Variants in DOCK1 observed in about 807,000 individuals in gnomAD.
The protein encoded by DOCK1 is dedicator of cytokinesis protein 1.
A neutral mutation model predicts 262.7 loss-of-function variants in DOCK1; 138 were observed. The ratio of observed to expected loss-of-function variants is 0.53; its 90% CI spans 0.46 to 0.61. The LOEUF (loss-of-function observed/expected upper bound fraction) is 0.61. Among genes scored for constraint, DOCK1 ranks in the 20% least tolerant of loss-of-function variants. The pLI is 0.00. For missense variants in DOCK1, 1,908 were observed against 2,370.7 expected, an observed-to-expected ratio of 0.80 and a Z score of 4.05; for synonymous variants, 866 against 867.4, an observed-to-expected ratio of 1.00 and a Z score of 0.03.
intron 21 of DOCK1, among the ~76,000 whole-genome samples, chr10:127,050,323 G>T (rs1023102345): frequency 1.3e-5 from 2 of 150,844 alleles, no homozygotes; most frequent in Non-Finnish European, 2.9e-5. Context: ...AATTATAATA[G>T]ATATTTCTTA....
chr10:127,398,061 G>T (rs1208523141), intron 38 of DOCK1, among the ~76,000 whole-genome samples: 2 of 152,194 alleles, frequency 1.3e-5, no homozygotes, highest in Non-Finnish European at 2.9e-5. Flanking sequence ...CATTGAAGTG[G>T]CTGATCCATC....
chr10:127,271,121 C>T (rs186788331), intron 29 of DOCK1, among the ~76,000 whole-genome samples: 5 of 151,564 alleles, frequency 3.3e-5, no homozygotes, highest in Admixed American at 2.0e-4. Context: ...TCAGTGACTG[C>T]AGGATTTTTT....
intron 29 of DOCK1, among the ~76,000 whole-genome samples, chr10:127,263,192 G>A (rs896928114): frequency 7.9e-5 from 12 of 152,190 alleles, no homozygotes; most frequent in Non-Finnish European, 1.5e-5. Flanking sequence ...CTTTAGAAGT[G>A]TATGCACCAT....
chr10:127,238,686 C>T (rs953248850), intron 27 of DOCK1, among the ~76,000 whole-genome samples: 2 of 152,146 alleles, frequency 1.3e-5, no homozygotes, highest in African/African-American at 4.8e-5. Context: ...AGGGGAGCCT[C>T]CCCACACCAC....
chr10:127,101,484 T>C (rs943382248), intron 23 of DOCK1, among the ~76,000 whole-genome samples: 14 of 152,188 alleles, frequency 9.2e-5, no homozygotes, highest in African/African-American at 3.4e-4. Context: ...AAAATCATCT[T>C]GGTCGGTTAA....
At chr10:127,021,438 T>C (rs1365617618) in intron 13 of DOCK1, among the ~76,000 whole-genome samples, 3 of 152,208 alleles carry the variant, frequency 2.0e-5, no homozygotes, top group African/African-American at 7.2e-5. Flanking sequence ...GCGCTGGGAT[T>C]ACAGGCGTGA....
Position 127,404,403 on chromosome 10 carries a change from G to T in DOCK1, c.4096G>T (p.Gly1366Ter). 1 of 1,613,722 alleles carries T rather than the reference G, an allele frequency of 6.2e-7. No homozygotes were observed. Among genetic ancestry groups the T allele is most frequent in the Non-Finnish European group, 8.5e-7 (1 of 1,179,834 alleles). ...KPDYFAVGYY[G>*]QGFPTFLRGK... is the part of the protein sequence containing the mutation. ...TGACTATTTTGCTGTTGGCTACTACGGACAAGGGTTCCCCACATTCCTGCG... is the reference window on the plus strand; with the variant it reads ...TGACTATTTTGCTGTTGGCTACTACTGACAAGGGTTCCCCACATTCCTGCG... Residue 1366 changes from glycine to a stop codon, truncating the protein, a stop_gained, in exon 40 of 52, where the codon GGA (glycine) becomes TGA (stop). Coordinates refer to ENST00000623213, the MANE Select transcript of DOCK1 (RefSeq NM_001290223.2). LOFTEE classifies it high-confidence loss of function.
intron 27 of DOCK1, among the ~76,000 whole-genome samples, chr10:127,169,013 A>AT (rs1463835625): frequency 6.6e-6 from 1 of 152,200 alleles, no homozygotes; most frequent in Non-Finnish European, 1.5e-5. Flanking sequence ...AGGACATAAG[A>AT]TACAGCAAGT....
chr10:127,418,922 C>T (rs1281378879), intron 45 of DOCK1, among the ~76,000 whole-genome samples: 1 of 152,200 alleles, frequency 6.6e-6, no homozygotes, highest in Non-Finnish European at 1.5e-5. Context: ...TGGAGGGGGC[C>T]CGGCCAGCTG....
At chr10:127,053,210 C>T (rs2044865644) in intron 22 of DOCK1, among the ~76,000 whole-genome samples, 3 of 152,220 alleles carry the variant, frequency 2.0e-5, no homozygotes, top group Non-Finnish European at 4.4e-5. Flanking sequence ...GGCGCAGTGG[C>T]TCACGCCTGT....
At chr10:127,128,276 G>A (rs577443059) in intron 27 of DOCK1, among the ~76,000 whole-genome samples, 6 of 150,858 alleles carry the variant, frequency 4.0e-5, no homozygotes, top group South Asian at 2.1e-4. Flanking sequence ...GCTGTCCTCT[G>A]CACCCCCTTA....
At chr10:127,153,178 A>G (rs1462718142) in intron 27 of DOCK1, among the ~76,000 whole-genome samples, 3 of 152,258 alleles carry the variant, frequency 2.0e-5, no homozygotes. Context: ...GTGAAAAATT[A>G]CATTTGCAAA....
intron 29 of DOCK1, among the ~76,000 whole-genome samples, chr10:127,264,008 G>C (rs2060268803): frequency 6.6e-6 from 1 of 152,152 alleles, no homozygotes; most frequent in African/African-American, 2.4e-5. Flanking sequence ...CTTATTAACT[G>C]CTTTACTTTT....
At chr10:127,042,409 C>G (rs2044078155) in intron 19 of DOCK1, among the ~76,000 whole-genome samples, 1 of 152,168 alleles carries the variant, frequency 6.6e-6, no homozygotes, top group African/African-American at 2.4e-5. Flanking sequence ...CTTTGACCCT[C>G]TCCATTTAAC....
In DOCK1 at chr10:127,012,247, C is replaced by A. The variant is rs758831943; in HGVS notation, c.1074C>A (p.Asp358Glu). Residue 358 changes from aspartate to glutamate, a missense_variant, in exon 12 of 52, where the codon GAC (aspartate) becomes GAA (glutamate). Asp to Glu is a conservative substitution (Grantham distance 45). Around this residue, in one of 9 missense-constraint regions of DOCK1, gnomAD observed 102 missense variants for 154.9 expected, o/e 0.66. Coordinates refer to ENST00000623213, the MANE Select transcript of DOCK1 (RefSeq NM_001290223.2). This position sits in a 1 kb window ranked among gnomAD's most constrained non-coding sequence, Gnocchi z 4.0. ...FIPFQPLALDDAIRHKPLNMS... is the reference protein window; with the variant it reads ...FIPFQPLALDEAIRHKPLNMS... ...TGCCCTCCAGGCTCGCGTTGGACGACGCCATTCGACACAAGCCGCTGAACA... is the reference window on the plus strand; with the variant it reads ...TGCCCTCCAGGCTCGCGTTGGACGAAGCCATTCGACACAAGCCGCTGAACA... 6.2e-7 allele frequency: 1 copy of A among 1,602,290 alleles called. No individual in the cohort carries two copies. The highest frequency in any genetic ancestry group is 2.2e-5 in the East Asian group (1 of 44,822).
At chr10:126,997,812 C>T (rs2040317422) in intron 7 of DOCK1, 1 of 376,050 alleles carries the variant, frequency 2.7e-6, no homozygotes, top group Non-Finnish European at 4.9e-6. Flanking sequence ...TAAATAACTA[C>T]ACATATATAA....
At chr10:127,307,536 G>A (rs1389448749) in intron 29 of DOCK1, among the ~76,000 whole-genome samples, 1 of 152,238 alleles carries the variant, frequency 6.6e-6, no homozygotes, top group Admixed American at 6.5e-5. Flanking sequence ...ATTTCTCCCC[G>A]ATCCGAGGAG....
At chr10:127,145,929 C>G in intron 27 of DOCK1, 1 of 497,968 alleles carries the variant, frequency 2.0e-6, no homozygotes, top group Non-Finnish European at 4.0e-6. Context: ...CAGGAGGTCC[C>G]TTCTCAAACA....
intron 1 of DOCK1, among the ~76,000 whole-genome samples, chr10:126,932,655 G>A (rs1053393225): frequency 7.9e-5 from 12 of 152,242 alleles, no homozygotes; most frequent in Admixed American, 2.0e-4. Context: ...CTGTTGAGCT[G>A]AGCTTAGGAG....
Sources: allele counts gnomAD v4.1 joint callset (sites outside exome capture counted in the v4.1 genomes callset), GRCh38; gene constraint gnomAD v4.1.1; regional missense constraint gnomAD v4.1.1; non-coding constraint Gnocchi (gnomAD v3.1); transcripts MANE v1.5; gene names NCBI Gene and HGNC (gene_info 2026-07-23, HGNC 2026-07-21).